Variants in OTUD7A observed in about 807,000 individuals in gnomAD.
OTUD7A encodes the protein OTU domain-containing protein 7A.
OTUD7A carries 12 observed loss-of-function variants against 65.7 expected under a neutral mutation model. The ratio of observed to expected loss-of-function variants is 0.18; its 90% CI spans 0.12 to 0.30. The LOEUF is 0.30. OTUD7A is among the 10% of genes least tolerant of loss of function. OTUD7A has a pLI of 1.00. For missense variants in OTUD7A, 1,148 were observed against 1,304.8 expected (o/e 0.88, Z 1.85); for synonymous variants, 641 against 586.3 (o/e 1.09, Z -1.35).
At chr15:31,547,972 C>G (rs961763551) in intron 5 of OTUD7A, among the ~76,000 whole-genome samples, 1 of 152,242 alleles carries the variant, frequency 6.6e-6, no homozygotes, top group Non-Finnish European at 1.5e-5. Context: ...TCCTCCTTTA[C>G]GCTTTCTCAG....
chr15:31,607,258 A>G (rs1230882713), intron 3 of OTUD7A, among the ~76,000 whole-genome samples: 2 of 152,232 alleles, frequency 1.3e-5, no homozygotes, highest in East Asian at 3.8e-4. Context: ...CTGGGCAGAT[A>G]GAAACTAGTA....
chr15:31,494,857 C>T lies in OTUD7A; in HGVS notation c.1171+6833G>A, dbSNP rs117066207. 6.5e-3 allele frequency among the ~76,000 whole-genome samples: 997 copies of T among 152,288 alleles called. 7 individuals carry two copies. Among genetic ancestry groups the T allele is most frequent in the Non-Finnish European group, 0.011 (728 of 68,008 alleles). ...GCTGCCTCCCAGCCCCTCTCAGAAG[C>T]GGTTTTGTTGGAGCACATGTTCTCA... On this transcript the variant is annotated intron_variant, in intron 10 of 12. Transcript: ENST00000307050.
intron 3 of OTUD7A, among the ~76,000 whole-genome samples, chr15:31,583,711 C>T (rs1414181588): frequency 1.3e-5 from 2 of 151,954 alleles, no homozygotes; most frequent in Admixed American, 6.6e-5. Flanking sequence ...GTCCATTAAA[C>T]TTCTTTTTCT....
Position 31,484,264 on chromosome 15 carries a change from C to A in OTUD7A, c.1832G>T (p.Gly611Val), listed in dbSNP as rs763936552. The change falls in exon 13 of 13, where the codon GGC becomes GTC. Residue 611 changes from glycine to valine, a missense_variant. Gly to Val is a moderately radical substitution (Grantham distance 109). Around this residue, in one of 6 missense-constraint regions of OTUD7A, gnomAD observed 842 missense variants for 769.5 expected, o/e 1.09. Coordinates refer to ENST00000307050, the MANE Select transcript of OTUD7A (RefSeq NM_001382637.1). The surrounding 1 kb of genome is among the most constrained non-coding windows in gnomAD (Gnocchi z 4.5). ...KAAGASPAEK[G>V]GGPRGDAWKY... ...CCAGGCGTCGCCCCGCGGCCCACCG[C>A]CCTTCTCCGCCGGCGACGCGCCCGC... is the stretch of plus-strand genomic sequence containing the variant. 1.3e-6 allele frequency: 2 copies of A among 1,594,702 alleles called. No individual in the cohort carries two copies. Among genetic ancestry groups the A allele is most frequent in the Non-Finnish European group, 1.7e-6 (2 of 1,173,972 alleles).
chr15:31,483,231 C>T lies in OTUD7A; in HGVS notation c.*63G>A, dbSNP rs2041159975. 9.5e-7 allele frequency: 1 copy of T among 1,053,128 alleles called. No individual in the cohort carries two copies. The highest frequency in any genetic ancestry group is 1.7e-5 in the African/African-American group (1 of 58,856). 65.2% of individuals were successfully genotyped at this position (1,053,128 alleles called of 1,614,324 possible). ...TGGACCAGGGCATGTAAAAAAGACACCGACACAATGGAAAAGAAATCCTCG... is the reference window on the plus strand; with the variant it reads ...TGGACCAGGGCATGTAAAAAAGACATCGACACAATGGAAAAGAAATCCTCG... On this transcript the variant is annotated 3_prime_UTR_variant, in exon 13 of 13. Coordinates refer to ENST00000307050, the MANE Select transcript of OTUD7A (RefSeq NM_001382637.1).
intron 1 of OTUD7A, among the ~76,000 whole-genome samples, chr15:31,834,655 T>C (rs1220716542): frequency 2.6e-5 from 4 of 152,206 alleles, no homozygotes; most frequent in Admixed American, 2.6e-4. Flanking sequence ...TTTAGGCCAA[T>C]TGTCGAATCC....
chr15:31,714,414 T>C (rs1893529972), intron 1 of OTUD7A, among the ~76,000 whole-genome samples: 2 of 152,006 alleles, frequency 1.3e-5, no homozygotes, highest in Admixed American at 1.3e-4. Flanking sequence ...ATGGAAAGAC[T>C]GAATAAAGGA....
At chr15:31,581,906 T>G (rs1348463942) in intron 3 of OTUD7A, among the ~76,000 whole-genome samples, 1 of 152,250 alleles carries the variant, frequency 6.6e-6, no homozygotes, top group Admixed American at 6.5e-5. Context: ...GGTTTTTCTT[T>G]TCTACTGCAT....
chr15:31,513,138 T>C (rs1350242826), intron 8 of OTUD7A, among the ~76,000 whole-genome samples: 1 of 152,238 alleles, frequency 6.6e-6, no homozygotes, highest in African/African-American at 2.4e-5. Flanking sequence ...CCCAAAGTGC[T>C]GGGATTACAG....
At chr15:31,594,366 G>A (rs149331491) in intron 3 of OTUD7A, among the ~76,000 whole-genome samples, 92 of 152,352 alleles carry the variant, frequency 6.0e-4, no homozygotes, top group African/African-American at 2.1e-3. Flanking sequence ...TGTCTCTTGA[G>A]TGTTTTCCAA....
rs954331482 is a variant in OTUD7A at position 31,835,934 on chromosome 15, C to T, written c.-100+34573G>A. Among the ~76,000 whole-genome samples the T allele has an allele frequency of 2.3e-5, 3 of 132,758 alleles. No homozygotes were observed. The East Asian group carries it at 6.9e-4, about 31-fold the overall frequency. The allele number at this position is 132,758 out of a possible 152,430, so 87.1% of individuals were successfully genotyped here. A position where few individuals can be genotyped will look rare whatever the true frequency, so the allele number is the denominator to read the frequency against. Reference sequence around the variant, plus strand: ...CAGTATACTTACTAGATGAGGATCCCTAATCTGAAAATCTGAAATCCAAAA... The same window carrying T: ...CAGTATACTTACTAGATGAGGATCCTTAATCTGAAAATCTGAAATCCAAAA... On this transcript the variant is annotated intron_variant, in intron 1 of 12. Transcript: ENST00000307050.
intron 1 of OTUD7A, among the ~76,000 whole-genome samples, chr15:31,851,166 G>C (rs192343501): frequency 6.6e-6 from 1 of 152,318 alleles, no homozygotes; most frequent in East Asian, 1.9e-4. Context: ...CAAAATCAAA[G>C]ACCAAGAGGC....
In OTUD7A at chr15:31,479,967, A is replaced by T. The variant is rs1469845591; in HGVS notation, c.*3327T>A. 6.6e-6 allele frequency: 1 copy of T among 152,200 alleles called. No individual in the cohort carries two copies. Among genetic ancestry groups the T allele is most frequent in the African/African-American group, 2.4e-5 (1 of 41,440 alleles). 9.4% of individuals were successfully genotyped at this position (152,200 alleles called of 1,614,324 possible). A position where few individuals can be genotyped will look rare whatever the true frequency, so the allele number is the denominator to read the frequency against. ...AGTACCAAAATCCATGAACAGAAAA[A>T]AGGAAATCAAGCTTTCAATAAAAAA... is the stretch of plus-strand genomic sequence containing the variant. On this transcript the variant is annotated 3_prime_UTR_variant, in exon 13 of 13. Transcript: ENST00000307050.
chr15:31,737,788 A>G (rs895049872), intron 1 of OTUD7A, among the ~76,000 whole-genome samples: 1 of 152,210 alleles, frequency 6.6e-6, no homozygotes, highest in East Asian at 1.9e-4. Context: ...AGCATTCGAG[A>G]AAGAAATTAG....
intron 3 of OTUD7A, among the ~76,000 whole-genome samples, chr15:31,600,268 T>C (rs1328071734): frequency 6.6e-6 from 1 of 152,176 alleles, no homozygotes; most frequent in Non-Finnish European, 1.5e-5. Flanking sequence ...AAAGGCCAGG[T>C]TACCCACAAA....
At chr15:31,819,813 T>A (rs1381279053) in intron 1 of OTUD7A, among the ~76,000 whole-genome samples, 2 of 151,910 alleles carry the variant, frequency 1.3e-5, no homozygotes, top group African/African-American at 4.8e-5. Flanking sequence ...ATATAATGTA[T>A]CAGTATATAT....
chr15:31,667,989 G>A (rs1236227869), intron 1 of OTUD7A, among the ~76,000 whole-genome samples: 2 of 152,216 alleles, frequency 1.3e-5, no homozygotes, highest in South Asian at 4.1e-4. Context: ...CTTCTAGCTT[G>A]TAGGGTTTCT....
intron 3 of OTUD7A, among the ~76,000 whole-genome samples, chr15:31,607,993 A>AATCC (rs1182668594): frequency 1.3e-5 from 2 of 152,238 alleles, no homozygotes; most frequent in Non-Finnish European, 2.9e-5. Context: ...TCATGCCTGT[A>AATCC]ATCCCAGCAC....
intron 4 of OTUD7A, among the ~76,000 whole-genome samples, chr15:31,563,592 C>T (rs1888765411): frequency 6.6e-6 from 1 of 152,220 alleles, no homozygotes; most frequent in Admixed American, 6.5e-5. Context: ...CTATCATCCC[C>T]TAGCCCCAGC....
Sources: allele counts gnomAD v4.1 joint callset (sites outside exome capture counted in the v4.1 genomes callset), GRCh38; gene constraint gnomAD v4.1.1; regional missense constraint gnomAD v4.1.1; non-coding constraint Gnocchi (gnomAD v3.1); transcripts MANE v1.5; gene names NCBI Gene and HGNC (gene_info 2026-07-23, HGNC 2026-07-21).